The following MDGA2 variants were observed in gnomAD, a reference collection of about 807,000 sequenced individuals.
MDGA2 encodes MAM domain-containing glycosylphosphatidylinositol anchor protein 2.
MDGA2 carries 40 observed loss-of-function variants against 117.8 expected under a neutral mutation model. The observed-to-expected ratio is 0.34, with a 90% CI of 0.26 to 0.44. MDGA2 has a LOEUF of 0.44. MDGA2 is among the 20% of genes least tolerant of loss of function. MDGA2 has a pLI of 1.00. For missense variants in MDGA2, 1,123 were observed against 1,250.6 expected, an observed-to-expected ratio of 0.90 and a Z score of 1.54; for synonymous variants, 452 against 439.0, an observed-to-expected ratio of 1.03 and a Z score of -0.37.
At chr14:47,643,019 G>T (rs1416120464) in intron 1 of MDGA2, among the ~76,000 whole-genome samples, 1 of 151,850 alleles carries the variant, frequency 6.6e-6, no homozygotes, top group Non-Finnish European at 1.5e-5. Flanking sequence ...TGTATGTAAG[G>T]CACTTAAAAT....
intron 7 of MDGA2, among the ~76,000 whole-genome samples, chr14:47,046,070 G>A (rs574700989): frequency 6.6e-6 from 1 of 151,624 alleles, no homozygotes; most frequent in East Asian, 2.0e-4. Context: ...GAGTTAATGG[G>A]TGCAGCACAC....
chr14:47,432,969 A>G (rs1051752467), intron 1 of MDGA2, among the ~76,000 whole-genome samples: 3 of 152,070 alleles, frequency 2.0e-5, no homozygotes, highest in African/African-American at 4.8e-5. Flanking sequence ...TGTGCCAGGA[A>G]CTGTGTCAAA....
chr14:47,227,433 TC>T (rs1459113325), intron 2 of MDGA2, among the ~76,000 whole-genome samples: 1 of 152,164 alleles, frequency 6.6e-6, no homozygotes, highest in Non-Finnish European at 1.5e-5. Context: ...CTCAGCTTCC[TC>T]CCTTTCCTCT....
chr14:46,889,080 C>CT (rs1882775572), intron 10 of MDGA2, among the ~76,000 whole-genome samples: 1 of 151,942 alleles, frequency 6.6e-6, no homozygotes. Context: ...AAATGTAACA[C>CT]TGATTTTTAA....
chr14:47,040,570 T>G (rs1384594612), intron 7 of MDGA2, among the ~76,000 whole-genome samples: 2 of 152,152 alleles, frequency 1.3e-5, no homozygotes, highest in African/African-American at 4.8e-5. Flanking sequence ...TTAACACTCC[T>G]TTACTGAAGT....
intron 6 of MDGA2, among the ~76,000 whole-genome samples, chr14:47,089,708 A>G (rs1298559206): frequency 6.6e-6 from 1 of 152,110 alleles, no homozygotes; most frequent in Non-Finnish European, 1.5e-5. Context: ...ATGCAGCCAT[A>G]AAAAAGGATG....
chr14:47,147,840 C>G (rs915796187), intron 3 of MDGA2, among the ~76,000 whole-genome samples: 2 of 152,094 alleles, frequency 1.3e-5, no homozygotes, highest in African/African-American at 4.8e-5. Context: ...CTACTATTGC[C>G]ATTCTAGATT....
intron 1 of MDGA2, among the ~76,000 whole-genome samples, chr14:47,649,377 G>C (rs1238922266): frequency 6.6e-6 from 1 of 152,208 alleles, no homozygotes; most frequent in East Asian, 1.9e-4. Context: ...AAACTGCTAA[G>C]TGCTTTATGT....
rs56285818 is a variant in MDGA2 at position 47,408,056 on chromosome 14, C to CTTTTT, written c.281-106511_281-106507dup. Among the ~76,000 whole-genome samples the CTTTTT allele has an allele frequency of 1.7e-3, 194 of 115,066 alleles. 3 individuals are homozygous for CTTTTT. The highest frequency in any genetic ancestry group is 2.1e-3 in the African/African-American group (63 of 30,030). The allele number at this position is 115,066 out of a possible 152,430, so 75.5% of individuals were successfully genotyped here. ...TGAGCCTTAAAATAGGGAGATTATTCTTTTTTTTTTTTTTTTTTTTGGTGG... is the reference window on the plus strand; with the variant it reads ...TGAGCCTTAAAATAGGGAGATTATTCTTTTTTTTTTTTTTTTTTTTTTTTTGGTGG... On this transcript the variant is annotated intron_variant, in intron 1 of 16. Transcript: ENST00000399232.
At chr14:47,285,677 C>A (rs1413514106) in intron 2 of MDGA2, among the ~76,000 whole-genome samples, 3 of 152,050 alleles carry the variant, frequency 2.0e-5, no homozygotes, top group South Asian at 2.1e-4. Flanking sequence ...CAAATTAAGT[C>A]TTCTAAGCCA....
rs142464945 is a variant in MDGA2 at position 47,081,991 on chromosome 14, T to C, written c.1195+14863A>G. ...GAGATAGCAAAAGCTCCTTTAACTATAGATGTTTAAGGGAGTATCAAATTT... is the reference window on the plus strand; with the variant it reads ...GAGATAGCAAAAGCTCCTTTAACTACAGATGTTTAAGGGAGTATCAAATTT... On this transcript the variant is annotated intron_variant, in intron 6 of 16. Transcript: ENST00000399232. 6.3e-3 allele frequency among the ~76,000 whole-genome samples: 959 copies of C among 152,222 alleles called. 10 individuals carry two copies. The highest frequency in any genetic ancestry group is 0.022 in the African/African-American group (921 of 41,564).
chr14:47,591,571 A>G (rs2034267759), intron 1 of MDGA2, among the ~76,000 whole-genome samples: 1 of 152,204 alleles, frequency 6.6e-6, no homozygotes, highest in Non-Finnish European at 1.5e-5. Flanking sequence ...AACCGAATCC[A>G]GCAGCACATC....
chr14:47,350,603 G>C (rs559837895), intron 1 of MDGA2, among the ~76,000 whole-genome samples: 1 of 152,190 alleles, frequency 6.6e-6, no homozygotes, highest in Non-Finnish European at 1.5e-5. Flanking sequence ...ACACGTGGGA[G>C]TGTAAGACAA....
intron 8 of MDGA2, among the ~76,000 whole-genome samples, chr14:47,011,080 T>A (rs1887881462): frequency 6.6e-6 from 1 of 151,996 alleles, no homozygotes; most frequent in African/African-American, 2.4e-5. Flanking sequence ...AGTAGATAAC[T>A]TTTTAGCATC....
At chr14:47,617,803 T>C (rs1365825367) in intron 1 of MDGA2, among the ~76,000 whole-genome samples, 4 of 152,182 alleles carry the variant, frequency 2.6e-5, no homozygotes. Flanking sequence ...TAGACCAAGA[T>C]GGAGACAGAG....
chr14:47,602,913 G>C (rs1200924534), intron 1 of MDGA2, among the ~76,000 whole-genome samples: 7 of 152,182 alleles, frequency 4.6e-5, no homozygotes, highest in Non-Finnish European at 8.8e-5. Context: ...TGGAGTCCAA[G>C]TGAAGTACTT....
At chr14:46,932,063 T>A (rs1211117784) in intron 9 of MDGA2, among the ~76,000 whole-genome samples, 4 of 152,074 alleles carry the variant, frequency 2.6e-5, no homozygotes, top group Non-Finnish European at 4.4e-5. Flanking sequence ...TTTACAGTAC[T>A]CAATCTTCAG....
chr14:47,274,567 A>G (rs887568124), intron 2 of MDGA2, among the ~76,000 whole-genome samples: 3 of 152,110 alleles, frequency 2.0e-5, no homozygotes, highest in African/African-American at 4.8e-5. Context: ...GTGCGAAGGT[A>G]TGTTTTTATT....
At chr14:47,495,499 G>T (rs565955207) in intron 1 of MDGA2, among the ~76,000 whole-genome samples, 2 of 152,024 alleles carry the variant, frequency 1.3e-5, no homozygotes, top group Non-Finnish European at 2.9e-5. Context: ...TTCCCCCACA[G>T]GTAATAGTCT....
Sources: gnomAD v4.1 joint callset for allele counts (sites outside exome capture counted in the v4.1 genomes callset) on GRCh38, gnomAD v4.1.1 for gene constraint, MANE v1.5 for transcripts, NCBI Gene and HGNC (gene_info 2026-07-23, HGNC 2026-07-21) for gene names.